Variants in CFAP299 observed in about 807,000 individuals in gnomAD.
CFAP299 encodes cilia- and flagella-associated protein 299.
In CFAP299, 21 loss-of-function variants were observed where a neutral mutation model predicts 27.0. The observed-to-expected ratio is 0.78, with a 90% CI of 0.55 to 1.12. The LOEUF (loss-of-function observed/expected upper bound fraction) is 1.12. Ranked by LOEUF, CFAP299 falls within the 50% of genes most tolerant of loss-of-function variation. The pLI, the probability that CFAP299 is intolerant of heterozygous loss-of-function variation, is 0.00. For missense variants in CFAP299, 310 were observed against 276.6 expected, an observed-to-expected ratio of 1.12 and a Z score of -0.86; for synonymous variants, 104 against 98.1, an observed-to-expected ratio of 1.06 and a Z score of -0.36.
intron 1 of CFAP299, among the ~76,000 whole-genome samples, chr4:80,340,033 G>A (rs1240471663): frequency 6.6e-6 from 1 of 152,114 alleles, no homozygotes; most frequent in Admixed American, 6.5e-5. Context: ...AAATGGGGAG[G>A]GGCCAAGATG....
chr4:80,545,134 C>T (rs1734165133), intron 2 of CFAP299, among the ~76,000 whole-genome samples: 2 of 151,962 alleles, frequency 1.3e-5, no homozygotes, highest in Non-Finnish European at 1.5e-5. Flanking sequence ...ACACAGAAAT[C>T]AAGAAATTCT....
At chr4:80,630,205 C>T (rs867113327) in intron 3 of CFAP299, among the ~76,000 whole-genome samples, 5 of 152,224 alleles carry the variant, frequency 3.3e-5, no homozygotes, top group African/African-American at 9.6e-5. Flanking sequence ...GATACAAAAG[C>T]AGTATTTTTG....
At chr4:80,807,752 T>C (rs1027282242) in intron 3 of CFAP299, among the ~76,000 whole-genome samples, 1 of 152,112 alleles carries the variant, frequency 6.6e-6, no homozygotes, top group African/African-American at 2.4e-5. Context: ...TTACTATATA[T>C]TCCTCCAACT....
chr4:80,538,383 T>G (rs1168041244), intron 2 of CFAP299, among the ~76,000 whole-genome samples: 1 of 152,010 alleles, frequency 6.6e-6, no homozygotes, highest in Non-Finnish European at 1.5e-5. Flanking sequence ...GAAATAAAAA[T>G]TTAAAAATAA....
intron 3 of CFAP299, among the ~76,000 whole-genome samples, chr4:80,706,538 C>T (rs1721831568): frequency 6.6e-6 from 1 of 151,712 alleles, no homozygotes; most frequent in Admixed American, 6.6e-5. Flanking sequence ...GTCATTGATA[C>T]ATGAAATTAT....
intron 3 of CFAP299, among the ~76,000 whole-genome samples, chr4:80,681,162 C>G (rs1272872058): frequency 6.6e-6 from 1 of 152,154 alleles, no homozygotes; most frequent in East Asian, 1.9e-4. Context: ...GTGTTTTAAT[C>G]TGATCCCCCC....
At chr4:80,715,618 T>C (rs1054072473) in intron 3 of CFAP299, among the ~76,000 whole-genome samples, 2 of 152,082 alleles carry the variant, frequency 1.3e-5, no homozygotes, top group Admixed American at 6.6e-5. Context: ...GTTAACATTA[T>C]GGCATATGCT....
intron 5 of CFAP299, among the ~76,000 whole-genome samples, chr4:80,954,977 G>T (rs748110453): frequency 1.8e-4 from 22 of 119,174 alleles, no homozygotes; most frequent in Non-Finnish European, 2.4e-4. Context: ...TCCAGCCTGG[G>T]TGACAGAGCA....
chr4:80,745,851 C>T (rs1407399699), intron 3 of CFAP299, among the ~76,000 whole-genome samples: 2 of 152,014 alleles, frequency 1.3e-5, no homozygotes, highest in East Asian at 3.8e-4. Context: ...CTTTTGAAAA[C>T]CTTGACAGTT....
intron 2 of CFAP299, among the ~76,000 whole-genome samples, chr4:80,400,912 T>C (rs1448744576): frequency 3.3e-5 from 5 of 152,186 alleles, no homozygotes; most frequent in Admixed American, 6.5e-5. Context: ...CAGGCTGAGA[T>C]GGTCTTAGAT....
rs1164793005 is a variant in CFAP299, at chr4:80,408,648, G to C, written c.242+45764G>C. Among the ~76,000 whole-genome samples the C allele has an allele frequency of 2.0e-5, 3 of 152,050 alleles. No individual in the cohort carries two copies. In the East Asian group the frequency reaches 5.8e-4, roughly 29 times the overall value. ...GGGCATGAGATTATTGGGAGTCACA[G>C]AGTAAGTTAGACAGGTGCATACTGG... On this transcript the variant is annotated intron_variant, in intron 2 of 5. Transcript: ENST00000358105.
chr4:80,891,376 C>T (rs575249441), intron 4 of CFAP299, among the ~76,000 whole-genome samples: 1 of 151,820 alleles, frequency 6.6e-6, no homozygotes, highest in South Asian at 2.1e-4. Flanking sequence ...AAATGTCCAA[C>T]AATGATAGAC....
chr4:80,740,493 G>C (rs1479472530), intron 3 of CFAP299, among the ~76,000 whole-genome samples: 2 of 152,098 alleles, frequency 1.3e-5, no homozygotes, highest in African/African-American at 2.4e-5. Flanking sequence ...TGTGTGTGCT[G>C]ATTCACCTGG....
intron 3 of CFAP299, among the ~76,000 whole-genome samples, chr4:80,711,803 T>C (rs1490046239): frequency 1.3e-5 from 2 of 152,172 alleles, no homozygotes; most frequent in Non-Finnish European, 2.9e-5. Flanking sequence ...GTTGCTACCA[T>C]TCATCAAATG....
At chr4:80,877,625 G>A (rs1485011915) in intron 4 of CFAP299, among the ~76,000 whole-genome samples, 1 of 124,682 alleles carries the variant, frequency 8.0e-6, no homozygotes, top group Non-Finnish European at 1.5e-5. Flanking sequence ...GGTTAAGACA[G>A]GATTACTCTA....
intron 4 of CFAP299, among the ~76,000 whole-genome samples, chr4:80,939,084 TTGC>T (rs1737066009): frequency 6.6e-6 from 1 of 152,216 alleles, no homozygotes; most frequent in Non-Finnish European, 1.5e-5. Flanking sequence ...ACCATTTCTC[TTGC>T]TGCTTACAAA....
chr4:80,335,686 T>G, upstream of CFAP299: 1 of 825,620 alleles, frequency 1.2e-6, no homozygotes, highest in South Asian at 1.4e-5. Context: ...CTTCAACTGA[T>G]TGGCAGGAAC....
intron 3 of CFAP299, among the ~76,000 whole-genome samples, chr4:80,720,727 C>A (rs1373084027): frequency 2.9e-4 from 44 of 152,072 alleles, no homozygotes. Flanking sequence ...GTTGGGAATA[C>A]AGAGAAACAG....
chr4:80,812,289 A>G (rs140981605), intron 3 of CFAP299, among the ~76,000 whole-genome samples: 95 of 152,152 alleles, frequency 6.2e-4, no homozygotes, highest in Non-Finnish European at 1.0e-3. Context: ...CCTGCCTCCC[A>G]TGAGACTGCA....
Sources: allele counts gnomAD v4.1 joint callset (sites outside exome capture counted in the v4.1 genomes callset), GRCh38; gene constraint gnomAD v4.1.1; transcripts MANE v1.5; gene names NCBI Gene and HGNC (gene_info 2026-07-23, HGNC 2026-07-21).